TEK: variants seen among roughly 807,000 people sequenced by gnomAD.
TEK encodes the protein angiopoietin-1 receptor.
Under a neutral mutation model 131.8 loss-of-function variants are expected in TEK, and 43 were observed. That is an observed-to-expected ratio of 0.33 (90% CI 0.26 to 0.42). The LOEUF (loss-of-function observed/expected upper bound fraction) is 0.42, where lower values mean the gene tolerates loss of function less well. TEK is among the 10% of genes least tolerant of loss of function. The probability of loss-of-function intolerance (pLI) is 1.00; values close to 1 mark genes in which losing one functional copy is unlikely to be tolerated. For missense variants in TEK, 1,162 were observed against 1,384.4 expected (o/e 0.84, Z 2.55); for synonymous variants, 580 against 491.6 (o/e 1.18, Z -2.38).
intron 1 of TEK, among the ~76,000 whole-genome samples, chr9:27,157,425 A>G (rs1456070099): frequency 6.6e-6 from 1 of 152,236 alleles, no homozygotes; most frequent in Non-Finnish European, 1.5e-5. Context: ...ATATTTCTTT[A>G]GAATACTTTA....
At chr9:27,158,165 G>T (rs1823409951) in intron 2 of TEK, 23 bp downstream of exon 2, 1 of 1,613,700 alleles carries the variant, frequency 6.2e-7, no homozygotes, top group South Asian at 1.1e-5. Flanking sequence ...TAAGTTTTGG[G>T]CAGGTGAGGC....
At chr9:27,114,566 G>A (rs750267685) in intron 1 of TEK, among the ~76,000 whole-genome samples, 3 of 150,218 alleles carry the variant, frequency 2.0e-5, no homozygotes, top group East Asian at 1.9e-4. Flanking sequence ...GTGAGACTCC[G>A]TCTCAAAAAA....
At chr9:27,145,797 T>C (rs1822896360) in intron 1 of TEK, among the ~76,000 whole-genome samples, 1 of 152,236 alleles carries the variant, frequency 6.6e-6, no homozygotes, top group African/African-American at 2.4e-5. Context: ...AGAAAGCTCA[T>C]TGTCTAAGGA....
At chr9:27,161,834 TCA>T (rs764530094) in intron 2 of TEK, among the ~76,000 whole-genome samples, 2 of 152,236 alleles carry the variant, frequency 1.3e-5, no homozygotes, top group African/African-American at 2.4e-5. Flanking sequence ...AGAGATTTTA[TCA>T]CACATATTTG....
At chr9:27,150,951 C>T (rs975681276) in intron 1 of TEK, among the ~76,000 whole-genome samples, 3 of 152,130 alleles carry the variant, frequency 2.0e-5, no homozygotes, top group African/African-American at 7.2e-5. Flanking sequence ...GGATGGGAAA[C>T]GGGCATGGCC....
At chr9:27,189,697 C>A (rs981483396) in intron 9 of TEK, among the ~76,000 whole-genome samples, 2 of 152,122 alleles carry the variant, frequency 1.3e-5, no homozygotes, top group African/African-American at 4.8e-5. Context: ...GGAATGCAGG[C>A]AGTCTCTAGA....
intron 1 of TEK, among the ~76,000 whole-genome samples, chr9:27,119,374 G>A (rs1049767739): frequency 3.3e-5 from 5 of 152,114 alleles, no homozygotes; most frequent in Admixed American, 6.6e-5. Flanking sequence ...GTTAGCACTC[G>A]ATAAAAATCA....
chr9:27,228,810 A>C (rs1274151614), intron 22 of TEK, among the ~76,000 whole-genome samples: 1 of 150,722 alleles, frequency 6.6e-6, no homozygotes, highest in Admixed American at 6.7e-5. Context: ...CTAGAGATGC[A>C]GGTGAGATCA....
chr9:27,138,428 G>C (rs7023989), intron 1 of TEK, among the ~76,000 whole-genome samples: 5,277 of 151,984 alleles, frequency 0.035, 308 homozygotes, highest in African/African-American at 0.12. Flanking sequence ...GTGCTGATTG[G>C]TGCATTTACA....
chr9:27,221,966 C>A (rs939390412), intron 21 of TEK, among the ~76,000 whole-genome samples: 3 of 152,078 alleles, frequency 2.0e-5, no homozygotes, highest in Non-Finnish European at 4.4e-5. Flanking sequence ...ATGTTCTAAC[C>A]CAATGCAAGG....
chr9:27,164,551 C>T (rs1823659821), intron 2 of TEK, among the ~76,000 whole-genome samples: 1 of 152,084 alleles, frequency 6.6e-6, no homozygotes. Flanking sequence ...GATCTCCTGA[C>T]CTTGTGATCT....
chr9:27,121,041 G>C (rs1564037031), intron 1 of TEK, among the ~76,000 whole-genome samples: 1 of 152,328 alleles, frequency 6.6e-6, no homozygotes, highest in African/African-American at 2.4e-5. Flanking sequence ...AGCTTTGCTG[G>C]CTGGGTGCTG....
rs764254208 is a variant in TEK, at chr9:27,206,739, C to T, written c.2522C>T (p.Ala841Val). The change falls in exon 15 of 23, where the codon GCG (alanine) becomes GTG (valine). Residue 841 changes from alanine to valine, a missense_variant. Coordinates refer to ENST00000380036, the MANE Select transcript of TEK (RefSeq NM_000459.5). ...GGCAATTTTGGCCAAGTTCTTAAGGCGCGCATCAAGAAGGATGGGTTACGG... is the reference window on the plus strand; with the variant it reads ...GGCAATTTTGGCCAAGTTCTTAAGGTGCGCATCAAGAAGGATGGGTTACGG... The part of the protein sequence containing the change: ...GEGNFGQVLK[A>V]RIKKDGLRMD... The T allele has an allele frequency of 1.2e-6, 2 of 1,613,958 alleles. No homozygotes were observed. Among genetic ancestry groups the T allele is most frequent in the Non-Finnish European group, 1.7e-6 (2 of 1,179,964 alleles).
At chr9:27,155,949 C>G (rs1823316279) in intron 1 of TEK, among the ~76,000 whole-genome samples, 1 of 151,776 alleles carries the variant, frequency 6.6e-6, no homozygotes, top group African/African-American at 2.4e-5. Context: ...ATTACAGGCA[C>G]CCACCACCAC....
At chr9:27,124,124 A>G (rs528839605) in intron 1 of TEK, among the ~76,000 whole-genome samples, 1 of 152,378 alleles carries the variant, frequency 6.6e-6, no homozygotes, top group South Asian at 2.1e-4. Flanking sequence ...ATTACAGCTT[A>G]ATGCACGTAC....
At chr9:27,154,268 C>T (rs1823241655) in intron 1 of TEK, among the ~76,000 whole-genome samples, 1 of 152,156 alleles carries the variant, frequency 6.6e-6, no homozygotes, top group Admixed American at 6.5e-5. Flanking sequence ...CTGCACCCAT[C>T]AACCTGTCAT....
At chr9:27,113,045 A>G (rs1001146938) in intron 1 of TEK, among the ~76,000 whole-genome samples, 1 of 152,222 alleles carries the variant, frequency 6.6e-6, no homozygotes, top group Non-Finnish European at 1.5e-5. Context: ...ACTGAAATCT[A>G]CTGCTAAGAG....
Position 27,203,326 on chromosome 9 carries a change from G to T in TEK, c.2209+207G>T, listed in dbSNP as rs1825288406. 1.3e-5 allele frequency among the ~76,000 whole-genome samples: 2 copies of T among 152,160 alleles called. 1 individual carries two copies. Among genetic ancestry groups the T allele is most frequent in the South Asian group, 4.1e-4 (2 of 4,826 alleles). On this transcript the variant is annotated intron_variant, in intron 13 of 22. Coordinates refer to ENST00000380036, the MANE Select transcript of TEK (RefSeq NM_000459.5). ...TATTATTGAACCTTAGAATAGATCA[G>T]TCTATCAGCATACCCCATCCAGCAA...
chr9:27,214,149 G>A (rs1407132242), intron 18 of TEK, among the ~76,000 whole-genome samples: 2 of 152,164 alleles, frequency 1.3e-5, no homozygotes, highest in Non-Finnish European at 2.9e-5. Flanking sequence ...TTAAGTACAA[G>A]ATTGCAGGAG....
Sources: gnomAD v4.1 joint callset for allele counts (sites outside exome capture counted in the v4.1 genomes callset) on GRCh38, gnomAD v4.1.1 for gene constraint, MANE v1.5 for transcripts, NCBI Gene and HGNC (gene_info 2026-07-23, HGNC 2026-07-21) for gene names.